Variants in PGAP1 observed in about 807,000 individuals in gnomAD.
PGAP1 encodes GPI inositol-deacylase.
In PGAP1, 76 loss-of-function variants were observed where a neutral mutation model predicts 127.0. The ratio of observed to expected loss-of-function variants is 0.60; its 90% CI spans 0.50 to 0.72. The LOEUF (loss-of-function observed/expected upper bound fraction) is 0.72, where lower values mean the gene tolerates loss of function less well. PGAP1 is among the 30% of genes least tolerant of loss of function. The pLI is 0.00. For missense variants in PGAP1, 982 were observed against 1,071.3 expected, an observed-to-expected ratio of 0.92 and a Z score of 1.16; for synonymous variants, 362 against 366.5, an observed-to-expected ratio of 0.99 and a Z score of 0.14.
intron 20 of PGAP1, among the ~76,000 whole-genome samples, chr2:196,855,558 A>G (rs1023531185): frequency 2.0e-5 from 3 of 152,142 alleles, no homozygotes; most frequent in African/African-American, 7.2e-5. Context: ...AGATTGACCA[A>G]CTGATAGTGT....
intron 1 of PGAP1, among the ~76,000 whole-genome samples, chr2:196,923,024 C>T (rs780673922): frequency 3.3e-5 from 5 of 151,926 alleles, no homozygotes; most frequent in Non-Finnish European, 5.9e-5. Context: ...ACATGACATG[C>T]TTTAAAATGT....
In PGAP1 at chr2:196,907,246, G is replaced by C. The variant is rs1460711186; in HGVS notation, c.650-4504C>G. The stretch of plus-strand genomic sequence containing the variant: ...AAGGAAAGCCCATCAGACTAACAGC[G>C]GATCTCTCGGCAGAAACCCTACAAG... On this transcript the variant is annotated intron_variant, in intron 4 of 26. Transcript: ENST00000354764. Among the ~76,000 whole-genome samples the C allele has an allele frequency of 1.3e-3, 15 of 11,456 alleles. No homozygotes were observed. In the East Asian group the frequency reaches 0.02, roughly 16 times the overall value. The allele number at this position is 11,456 out of a possible 152,430, so 7.5% of individuals were successfully genotyped here. A position where few individuals can be genotyped will look rare whatever the true frequency, so the allele number is the denominator to read the frequency against.
intron 19 of PGAP1, among the ~76,000 whole-genome samples, chr2:196,869,578 T>A (rs983752769): frequency 7.9e-5 from 12 of 152,124 alleles, no homozygotes; most frequent in Non-Finnish European, 4.4e-5. Context: ...TCGTGATCCA[T>A]CCACCTCAGC....
chr2:196,920,641 T>C (rs1203309333), intron 1 of PGAP1, among the ~76,000 whole-genome samples: 2 of 152,182 alleles, frequency 1.3e-5, no homozygotes, highest in African/African-American at 2.4e-5. Context: ...AGTTGTTTTA[T>C]AATGCAGCTT....
At chr2:196,920,224 G>T (rs1480160666) in intron 1 of PGAP1, 74 bp from the exon 2 acceptor site, 16 of 1,325,156 alleles carry the variant, frequency 1.2e-5, no homozygotes, top group Non-Finnish European at 1.6e-5. Context: ...ATGCAATTCT[G>T]AATTACGCAA....
At chr2:196,859,256 G>T (rs776426848) in intron 20 of PGAP1, among the ~76,000 whole-genome samples, 2 of 152,182 alleles carry the variant, frequency 1.3e-5, no homozygotes, top group African/African-American at 2.4e-5. Context: ...GAACCTGGGA[G>T]AAGGAGGTTG....
intron 1 of PGAP1, among the ~76,000 whole-genome samples, chr2:196,921,926 T>C (rs1259073847): frequency 1.3e-5 from 2 of 152,026 alleles, no homozygotes; most frequent in Non-Finnish European, 2.9e-5. Flanking sequence ...GGAGAGGTAA[T>C]TGACCACATT....
intron 20 of PGAP1, among the ~76,000 whole-genome samples, chr2:196,852,499 TAAC>T (rs1700751077): frequency 6.6e-6 from 1 of 151,844 alleles, no homozygotes; most frequent in African/African-American, 2.4e-5. Flanking sequence ...TAATTTATAA[TAAC>T]AATTCTAATT....
intron 9 of PGAP1, among the ~76,000 whole-genome samples, chr2:196,891,241 T>A (rs944123785): frequency 6.6e-6 from 1 of 152,144 alleles, no homozygotes; most frequent in Admixed American, 6.5e-5. Flanking sequence ...GCCAACCCAA[T>A]AGTCACAAGC....
chr2:196,879,681 C>A (rs1228495474), intron 13 of PGAP1, among the ~76,000 whole-genome samples: 1 of 152,042 alleles, frequency 6.6e-6, no homozygotes, highest in Non-Finnish European at 1.5e-5. Flanking sequence ...GGTGACAGAG[C>A]AAGACTCTTT....
At position 196,837,529 on chromosome 2, in the gene PGAP1, G is replaced by C. The variant is rs933931541; in HGVS notation, c.*3705C>G. ...AGTCTCACCTGCTGTGGGAGGCTGA[G>C]ATGGGAGGATCACATGAGCCAAAGA... On this transcript the variant is annotated 3_prime_UTR_variant, in exon 27 of 27. Coordinates refer to ENST00000354764, the MANE Select transcript of PGAP1 (RefSeq NM_024989.4). 6.6e-6 allele frequency: 1 copy of C among 152,196 alleles called. No individual in the cohort carries two copies. Among genetic ancestry groups the C allele is most frequent in the Non-Finnish European group, 1.5e-5 (1 of 68,058 alleles). 9.4% of individuals were successfully genotyped at this position (152,196 alleles called of 1,614,324 possible). A position where few individuals can be genotyped will look rare whatever the true frequency, so the allele number is the denominator to read the frequency against.
chr2:196,923,480 T>C (rs915902219), intron 1 of PGAP1, among the ~76,000 whole-genome samples: 1 of 152,156 alleles, frequency 6.6e-6, no homozygotes, highest in Non-Finnish European at 1.5e-5. Flanking sequence ...ATACATTACA[T>C]GCCCATTTCC....
At chr2:196,845,342 T>C (rs1700527105) in intron 23 of PGAP1, among the ~76,000 whole-genome samples, 1 of 151,000 alleles carries the variant, frequency 6.6e-6, no homozygotes, top group Admixed American at 6.6e-5. Flanking sequence ...ACACTTGTAT[T>C]ACCTCCTGGA....
At chr2:196,885,918 T>A in intron 10 of PGAP1, 38 bp from the exon 11 acceptor site, 1 of 1,309,000 alleles carries the variant, frequency 7.6e-7, no homozygotes, top group Non-Finnish European at 9.9e-7. Context: ...ACACTAAGTA[T>A]TGTAGAAAAT....
chr2:196,882,022 T>C (rs1220185728), intron 12 of PGAP1, among the ~76,000 whole-genome samples: 1 of 152,236 alleles, frequency 6.6e-6, no homozygotes, highest in African/African-American at 2.4e-5. Context: ...AGTTAATTTT[T>C]GTATATGGTG....
At chr2:196,883,735 A>C (rs1452442594) in intron 12 of PGAP1, among the ~76,000 whole-genome samples, 1 of 152,232 alleles carries the variant, frequency 6.6e-6, no homozygotes, top group Non-Finnish European at 1.5e-5. Context: ...ATTAATATGA[A>C]TAAAATTTAT....
rs1183336613 is a variant in PGAP1 at position 196,922,227 on chromosome 2, G to A, written c.148-2077C>T. ...AGGTAAAAATTCTAATAAACTCCCA[G>A]GTAATAGAAAAATGCTGATTTAAGA... On this transcript the variant is annotated intron_variant, in intron 1 of 26. Transcript: ENST00000354764. 4.7e-6 allele frequency: 6 copies of A among 1,263,178 alleles called. No homozygotes were observed. The East Asian group carries it at 1.8e-4, about 37-fold the overall frequency. The allele number at this position is 1,263,178 out of a possible 1,614,324, so 78.2% of individuals were successfully genotyped here.
rs769997667 is a variant in PGAP1 at position 196,926,545 on chromosome 2, C to T, written c.72G>A (p.Gly24=). 6.2e-7 allele frequency: 1 copy of T among 1,614,210 alleles called. No homozygotes were observed. Among genetic ancestry groups the T allele is most frequent in the East Asian group, 2.2e-5 (1 of 44,880 alleles). Residue 24 remains glycine (G), a synonymous_variant, in exon 1 of 27, where the codon GGG becomes GGA. Coordinates refer to ENST00000354764, the MANE Select transcript of PGAP1 (RefSeq NM_024989.4). ...CGAAGCCGAAGAAGACATCCCACAGCCCCAGGGTTGCCAGAAAGACCATGA... is the reference window on the plus strand; with the variant it reads ...CGAAGCCGAAGAAGACATCCCACAGTCCCAGGGTTGCCAGAAAGACCATGA... ...YVFMVFLATL[G]LWDVFFGFEE...
chr2:196,902,480 C>CA, intron 5 of PGAP1, 105 bp downstream of exon 5: 1 of 955,600 alleles, frequency 1.0e-6, no homozygotes, highest in South Asian at 1.8e-5. Context: ...AGTCCAACAC[C>CA]ACTAACTCAG....
Sources: allele counts gnomAD v4.1 joint callset (sites outside exome capture counted in the v4.1 genomes callset), GRCh38; gene constraint gnomAD v4.1.1; transcripts MANE v1.5; gene names NCBI Gene and HGNC (gene_info 2026-07-23, HGNC 2026-07-21).